The following FAP variants were observed in gnomAD, a reference collection of about 807,000 sequenced individuals.
The protein encoded by FAP is prolyl endopeptidase FAP.
In FAP, 110 loss-of-function variants were observed where a neutral mutation model predicts 126.5. The ratio of observed to expected loss-of-function variants is 0.87; its 90% CI spans 0.74 to 1.02. The LOEUF is 1.02. Ranked by LOEUF, FAP falls within the 50% of genes least tolerant of loss-of-function variation. The pLI is 0.00. For synonymous variants in FAP, 334 were observed against 297.3 expected, an observed-to-expected ratio of 1.12 and a Z score of -1.27; for missense variants, 919 against 909.2, an observed-to-expected ratio of 1.01 and a Z score of -0.14.
chr2:162,242,914 A>G lies in FAP; in HGVS notation c.85T>C (p.Ser29Pro). 1 of 1,612,098 alleles carries G rather than the reference A, an allele frequency of 6.2e-7. No individual in the cohort carries two copies. The stretch of plus-strand genomic sequence containing the variant: ...AATCAGAGAAAGTTCTTACCTCTTG[A>G]AGGGCGTAAGACAATGCACATCACC... Reference protein sequence around the residue: ...LLVMCIVLRPSRVHNSEENTM... With the variant: ...LLVMCIVLRPPRVHNSEENTM... Residue 29 changes from serine to proline, a missense_variant, in exon 2 of 26, where the codon TCA (serine) becomes CCA (proline). Ser to Pro is a moderately conservative substitution (Grantham distance 74, BLOSUM62 -1). Transcript: ENST00000188790.
intron 14 of FAP, among the ~76,000 whole-genome samples, chr2:162,200,961 T>G (rs1444655704): frequency 2.0e-5 from 3 of 152,206 alleles, no homozygotes; most frequent in Non-Finnish European, 2.9e-5. Context: ...TACTACGTTA[T>G]TTAATTTTAT....
chr2:162,213,333 GC>G (rs1371785121), intron 11 of FAP, among the ~76,000 whole-genome samples: 2 of 148,496 alleles, frequency 1.3e-5, no homozygotes, highest in African/African-American at 5.0e-5. Context: ...TCCAGATTGC[GC>G]CACTGCACTC....
chr2:162,237,500 G>A (rs1423707656), intron 2 of FAP, among the ~76,000 whole-genome samples: 2 of 152,140 alleles, frequency 1.3e-5, no homozygotes, highest in Non-Finnish European at 2.9e-5. Flanking sequence ...TTAGTTTGCT[G>A]AGAATGATGG....
In FAP at chr2:162,232,678, T is replaced by A. The variant is rs191055626; in HGVS notation, c.92-6057A>T. Reference sequence around the variant, plus strand: ...GGTTTTCTCTATGAACAATACTGAATAACATGAGTTATTCAAAGGATTTGC... The same window carrying A: ...GGTTTTCTCTATGAACAATACTGAAAAACATGAGTTATTCAAAGGATTTGC... On this transcript the variant is annotated intron_variant, in intron 2 of 25. Transcript: ENST00000188790. Among the ~76,000 whole-genome samples the A allele has an allele frequency of 2.6e-5, 4 of 152,356 alleles. No homozygotes were observed. In the East Asian group the frequency reaches 7.7e-4, roughly 29 times the overall value.
chr2:162,203,838 C>A (rs202211970), intron 12 of FAP, among the ~76,000 whole-genome samples: 4 of 152,146 alleles, frequency 2.6e-5, no homozygotes. Flanking sequence ...TGAAACAGAA[C>A]AAGCCACACC....
intron 11 of FAP, among the ~76,000 whole-genome samples, chr2:162,212,914 T>C (rs947103949): frequency 1.3e-5 from 2 of 152,224 alleles, no homozygotes; most frequent in African/African-American, 4.8e-5. Flanking sequence ...TGTTTGAGTT[T>C]GAGTAATAGA....
chr2:162,175,029 T>G (rs1422596844), intron 21 of FAP, 63 bp from the exon 22 acceptor site: 3 of 1,157,282 alleles, frequency 2.6e-6, no homozygotes, highest in Non-Finnish European at 3.9e-6. Context: ...TCCATATGTT[T>G]ATAGCAACTC....
At position 162,194,756 on chromosome 2, in the gene FAP, C is replaced by A. The variant is rs1171102760; in HGVS notation, c.1403-8G>T. Reference sequence around the variant, plus strand: ...AAATGGGGATGCCTGGGCCTGTGGGCAGGATGAAAACAAAATCATGGCTTA... The same window carrying A: ...AAATGGGGATGCCTGGGCCTGTGGGAAGGATGAAAACAAAATCATGGCTTA... On this transcript the variant is annotated splice_polypyrimidine_tract_variant and splice_region_variant and intron_variant, in intron 16 of 25. Transcript: ENST00000188790. 1 of 1,613,272 alleles carries A rather than the reference C, an allele frequency of 6.2e-7. No homozygotes were observed. The highest frequency in any genetic ancestry group is 1.7e-5 in the Admixed American group (1 of 59,962).
At position 162,188,194 on chromosome 2, in the gene FAP, C is replaced by A. The variant is rs980159602; in HGVS notation, c.1789G>T (p.Val597Phe). ...AVYRKLGVYE[V>F]EDQITAVRKF... ...CTGACAGCTGTAATCTGGTCTTCAA[C>A]TTCATAAACACCCAGCTTTCGATAC... The change falls in exon 20 of 26, where the codon GTT becomes TTT. Residue 597 changes from valine (V) to phenylalanine (F), a missense_variant. Coordinates refer to ENST00000188790, the MANE Select transcript of FAP (RefSeq NM_004460.5). The A allele has an allele frequency of 1.9e-6, 3 of 1,613,012 alleles. No homozygotes were observed. Among genetic ancestry groups the A allele is most frequent in the Admixed American group, 1.7e-5 (1 of 59,934 alleles).
At chr2:162,227,803 C>G (rs1250803185) in intron 2 of FAP, among the ~76,000 whole-genome samples, 1 of 152,132 alleles carries the variant, frequency 6.6e-6, no homozygotes, top group East Asian at 1.9e-4. Context: ...TTCTTTTCCT[C>G]AAATACTCTT....
intron 12 of FAP, among the ~76,000 whole-genome samples, chr2:162,205,429 CTT>C (rs1485202885): frequency 1.3e-5 from 2 of 152,146 alleles, no homozygotes; most frequent in Non-Finnish European, 2.9e-5. Context: ...CAAAATCCTT[CTT>C]TCATTTCAGA....
At position 162,219,951 on chromosome 2, in the gene FAP, C is replaced by CA. The variant is rs750025188; in HGVS notation, c.414-27dup. 27 of 1,511,850 alleles carry CA rather than the reference C, an allele frequency of 1.8e-5. No homozygotes were observed. In the South Asian group the frequency reaches 3.0e-4, roughly 17 times the overall value. The allele number at this position is 1,511,850 out of a possible 1,614,324, so 93.7% of individuals were successfully genotyped here. A position where few individuals can be genotyped will look rare whatever the true frequency, so the allele number is the denominator to read the frequency against. On this transcript the variant is annotated intron_variant, in intron 6 of 25. Transcript: ENST00000188790. ...CTAGAAGGAAAGAAAGAAAGAAAAA[C>CA]AACAAACCTTGCTGTTTAATGCAAA...
intron 2 of FAP, among the ~76,000 whole-genome samples, chr2:162,231,878 C>A (rs1425343351): frequency 2.0e-5 from 3 of 152,152 alleles, no homozygotes; most frequent in Non-Finnish European, 4.4e-5. Context: ...AAATGGCTGG[C>A]AGGTCCTTTT....
Position 162,243,410 on chromosome 2 carries a change from A to G in FAP, c.-83T>C. ...TCTGTGAAAACCGTTGAAAAGGACCAAGTCTGTCTTTGTAGTTGGAAGCTG... is the reference window on the plus strand; with the variant it reads ...TCTGTGAAAACCGTTGAAAAGGACCGAGTCTGTCTTTGTAGTTGGAAGCTG... On this transcript the variant is annotated 5_prime_UTR_variant, in exon 1 of 26. Coordinates refer to ENST00000188790, the MANE Select transcript of FAP (RefSeq NM_004460.5). The G allele has an allele frequency of 6.4e-7, 1 of 1,552,172 alleles. No individual in the cohort carries two copies. The highest frequency in any genetic ancestry group is 8.7e-7 in the Non-Finnish European group (1 of 1,155,710).
At chr2:162,186,513 A>G (rs1687872700) in intron 20 of FAP, among the ~76,000 whole-genome samples, 1 of 152,076 alleles carries the variant, frequency 6.6e-6, no homozygotes. Flanking sequence ...CAAATGGTGC[A>G]TCTGTGGTGG....
At position 162,172,835 on chromosome 2, in the gene FAP, A is replaced by G. The variant is rs746897967; in HGVS notation, c.2157T>C (p.Asn719=). 3 of 1,612,724 alleles carry G rather than the reference A, an allele frequency of 1.9e-6. 1 individual carries two copies. Among genetic ancestry groups the G allele is most frequent in the Non-Finnish European group, 2.5e-6 (3 of 1,179,106 alleles). ...CCATTGCCTGGAAATCCACTTGTGC[A>G]TTAACCAGAGCTTTAGCAATCTGTG... is the stretch of plus-strand genomic sequence containing the variant. The part of the protein sequence containing the change: ...NSAQIAKALV[N]AQVDFQAMWY... Residue 719 remains asparagine, a synonymous_variant, in exon 25 of 26, where the codon AAT becomes AAC. Coordinates refer to ENST00000188790, the MANE Select transcript of FAP (RefSeq NM_004460.5).
At position 162,218,152 on chromosome 2, in the gene FAP, G is replaced by T; in HGVS notation, c.608-12C>A. The T allele has an allele frequency of 1.3e-6, 2 of 1,557,516 alleles. No homozygotes were observed. The highest frequency in any genetic ancestry group is 1.7e-6 in the Non-Finnish European group (2 of 1,146,668). On this transcript the variant is annotated splice_polypyrimidine_tract_variant and intron_variant, in intron 8 of 25. Coordinates refer to ENST00000188790, the MANE Select transcript of FAP (RefSeq NM_004460.5). ...AGCAAGCATTTCCTCTGAAAAATAA[G>T]TACTAGGATATTAACTATAATTACA... is the stretch of plus-strand genomic sequence containing the variant.
At chr2:162,172,771 G>T in intron 25 of FAP, 40 bp downstream of exon 25, 1 of 1,345,682 alleles carries the variant, frequency 7.4e-7, no homozygotes, top group South Asian at 1.2e-5. Context: ...TTAGCTTGAG[G>T]GTCTAAGGCC....
intron 12 of FAP, 36 bp downstream of exon 12, chr2:162,209,916 T>G (rs1362468724): frequency 1.3e-6 from 2 of 1,590,432 alleles, no homozygotes; most frequent in Non-Finnish European, 1.7e-6. Flanking sequence ...CTGTCAAGTT[T>G]CATTAAAACA....
Sources: gnomAD v4.1 joint callset for allele counts (sites outside exome capture counted in the v4.1 genomes callset) on GRCh38, gnomAD v4.1.1 for gene constraint, MANE v1.5 for transcripts, NCBI Gene and HGNC (gene_info 2026-07-23, HGNC 2026-07-21) for gene names.